KIF13B: variants seen among roughly 807,000 people sequenced by gnomAD.
The protein encoded by KIF13B is kinesin-like protein KIF13B.
Under a neutral mutation model 222.0 loss-of-function variants are expected in KIF13B, and 127 were observed. The observed-to-expected ratio is 0.57, with a 90% CI of 0.50 to 0.66. The LOEUF is 0.66. KIF13B is among the 30% of genes least tolerant of loss of function. KIF13B has a pLI of 0.00. For missense variants in KIF13B, 2,173 were observed against 2,379.0 expected (o/e 0.91, Z 1.80); for synonymous variants, 976 against 919.0 (o/e 1.06, Z -1.12).
At chr8:29,156,298 C>T (rs1329894834) in intron 13 of KIF13B, among the ~76,000 whole-genome samples, 2 of 151,998 alleles carry the variant, frequency 1.3e-5, no homozygotes, top group Non-Finnish European at 2.9e-5. Flanking sequence ...GCAAATGAAG[C>T]CAGGCATGGT....
chr8:29,172,078 TTTTC>T (rs1442658778), intron 10 of KIF13B, among the ~76,000 whole-genome samples: 83 of 104,572 alleles, frequency 7.9e-4, no homozygotes, highest in Middle Eastern at 6.2e-3. Context: ...ATATATTTTC[TTTTC>T]TTTTTTTTTT....
intron 37 of KIF13B, among the ~76,000 whole-genome samples, chr8:29,083,913 T>C (rs555858227): frequency 2.4e-3 from 365 of 152,098 alleles, no homozygotes; most frequent in Middle Eastern, 6.8e-3. Flanking sequence ...CTAGATGTGT[T>C]TTTTGTTTGT....
chr8:29,128,606 T>C (rs1237728950), intron 24 of KIF13B, among the ~76,000 whole-genome samples: 2 of 152,230 alleles, frequency 1.3e-5, no homozygotes, highest in African/African-American at 4.8e-5. Context: ...CTAAGCACTT[T>C]CCGAAGTGAT....
intron 10 of KIF13B, among the ~76,000 whole-genome samples, chr8:29,175,486 T>A (rs1464961513): frequency 6.6e-6 from 1 of 152,234 alleles, no homozygotes; most frequent in Non-Finnish European, 1.5e-5. Flanking sequence ...ACATTGGCTT[T>A]CTTCTTTCTC....
chr8:29,191,535 A>G (rs1813187689), intron 3 of KIF13B, among the ~76,000 whole-genome samples: 1 of 152,234 alleles, frequency 6.6e-6, no homozygotes, highest in Admixed American at 6.5e-5. Flanking sequence ...AGGGTATAGA[A>G]GACTTACTAA....
At chr8:29,174,225 T>C (rs1812384242) in intron 10 of KIF13B, among the ~76,000 whole-genome samples, 1 of 152,178 alleles carries the variant, frequency 6.6e-6, no homozygotes, top group African/African-American at 2.4e-5. Context: ...CCTATATAAC[T>C]GCAAGTTTGT....
chr8:29,094,634 A>C (rs149144290), intron 36 of KIF13B, among the ~76,000 whole-genome samples: 156 of 152,374 alleles, frequency 1.0e-3, no homozygotes, highest in African/African-American at 3.7e-3. Context: ...ACATGGATAT[A>C]TACAAATACA....
chr8:29,098,170 CAAAAAAA>C (rs147089450), intron 36 of KIF13B, among the ~76,000 whole-genome samples: 5 of 30,318 alleles, frequency 1.6e-4, no homozygotes, highest in African/African-American at 3.3e-4. Flanking sequence ...GACTCCATCT[CAAAAAAA>C]AAAAAAAAAA....
chr8:29,165,864 C>T (rs1586868446), intron 11 of KIF13B, 92 bp from the exon 12 acceptor site: 3 of 651,286 alleles, frequency 4.6e-6, no homozygotes, highest in Admixed American at 2.7e-5. Flanking sequence ...AACAATCTGC[C>T]TCCTCATGGC....
chr8:29,113,409 G>A lies in KIF13B; in HGVS notation c.3930+54C>T, dbSNP rs542845857. 7 of 1,085,770 alleles carry A rather than the reference G, an allele frequency of 6.4e-6. No individual in the cohort carries two copies. The South Asian group carries it at 8.4e-5, about 13-fold the overall frequency. 67.3% of individuals were successfully genotyped at this position (1,085,770 alleles called of 1,614,324 possible). A position where few individuals can be genotyped will look rare whatever the true frequency, so the allele number is the denominator to read the frequency against. On this transcript the variant is annotated intron_variant, in intron 32 of 39. Coordinates refer to ENST00000524189, the MANE Select transcript of KIF13B (RefSeq NM_015254.4). ...TCATGGGTAGGTCACTTTTCAGGGA[G>A]TTGGCTCTTTTTAAGTGTTTATTTT... is the stretch of plus-strand genomic sequence containing the variant.
chr8:29,092,767 C>T lies in KIF13B; in HGVS notation c.4436G>A (p.Arg1479Gln), dbSNP rs770673480. 16 of 1,612,630 alleles carry T rather than the reference C, an allele frequency of 9.9e-6. No individual in the cohort carries two copies. Among genetic ancestry groups the T allele is most frequent in the Non-Finnish European group, 1.3e-5 (15 of 1,179,532 alleles). The change falls in exon 37 of 40, where the codon CGG becomes CAG. Residue 1479 changes from arginine (R) to glutamine (Q), a missense_variant. By Grantham distance (43) the Arg-to-Gln change is conservative (BLOSUM62 1). Transcript: ENST00000524189. ...FPVRDEKRGK[R>Q]PSPLAHQPVP... is the part of the protein sequence containing the mutation. ...TACCTGGTGTGCGAGGGGAGACGGC[C>T]GCTTGCCCCTCTTCTCATCGCGGAC...
intron 37 of KIF13B, among the ~76,000 whole-genome samples, chr8:29,089,374 C>T (rs532379071): frequency 1.3e-5 from 2 of 152,130 alleles, no homozygotes; most frequent in Admixed American, 6.6e-5. Flanking sequence ...AGGAGTTCAA[C>T]GCTGCAGTGA....
intron 2 of KIF13B, among the ~76,000 whole-genome samples, chr8:29,204,879 C>T (rs1485980920): frequency 6.6e-6 from 1 of 152,150 alleles, no homozygotes; most frequent in Non-Finnish European, 1.5e-5. Flanking sequence ...TATTTTCCAT[C>T]GTGTTTCTTG....
Position 29,083,906 on chromosome 8 carries a change from G to A in KIF13B, c.4459-8563C>T, listed in dbSNP as rs1807922480. On this transcript the variant is annotated intron_variant, in intron 37 of 39. Coordinates refer to ENST00000524189, the MANE Select transcript of KIF13B (RefSeq NM_015254.4). ...AAATGAAGGCTGGGAACAAGGCCTA[G>A]ATGTGTTTTTTGTTTGTTTGTTTTT... is the stretch of plus-strand genomic sequence containing the variant. 2.6e-5 allele frequency among the ~76,000 whole-genome samples: 4 copies of A among 152,068 alleles called. No homozygotes were observed. The South Asian group carries it at 6.2e-4, about 24-fold the overall frequency.
At chr8:29,146,877 G>T (rs531211828) in intron 17 of KIF13B, among the ~76,000 whole-genome samples, 1 of 152,166 alleles carries the variant, frequency 6.6e-6, no homozygotes, top group Non-Finnish European at 1.5e-5. Context: ...TCAATCTCCA[G>T]GTAAAAGGGA....
intron 22 of KIF13B, 138 bp from the exon 23 acceptor site, chr8:29,132,603 T>C (rs570025019): frequency 1.2e-5 from 6 of 497,568 alleles, no homozygotes; most frequent in Middle Eastern, 5.4e-4. Context: ...AGAACTATCA[T>C]CTAAAACCCA....
chr8:29,236,921 G>GT (rs1815536060), intron 2 of KIF13B, among the ~76,000 whole-genome samples: 2 of 143,422 alleles, frequency 1.4e-5, no homozygotes, highest in African/African-American at 5.3e-5. Context: ...TTTTTGTTTT[G>GT]CTTTTTTTTA....
intron 22 of KIF13B, among the ~76,000 whole-genome samples, chr8:29,133,450 G>A (rs1011873711): frequency 2.6e-5 from 4 of 152,116 alleles, no homozygotes; most frequent in Non-Finnish European, 5.9e-5. Context: ...AATTAGCTGC[G>A]CATGGTGGCA....
chr8:29,070,282 T>C lies in KIF13B; in HGVS notation c.*222A>G. On this transcript the variant is annotated 3_prime_UTR_variant, in exon 40 of 40. Coordinates refer to ENST00000524189, the MANE Select transcript of KIF13B (RefSeq NM_015254.4). This position sits in a 1 kb window ranked among gnomAD's most constrained non-coding sequence, Gnocchi z 4.1. ...CCCTGCGGGCACCCAGAACCTTCCA[T>C]CCACCTGAGGAGGCACAGTTGAGGC... is the stretch of plus-strand genomic sequence containing the variant. 1 of 584,706 alleles carries C rather than the reference T, an allele frequency of 1.7e-6. No individual in the cohort carries two copies. The highest frequency in any genetic ancestry group is 1.9e-5 in the African/African-American group (1 of 52,032). 36.2% of individuals were successfully genotyped at this position (584,706 alleles called of 1,614,324 possible).
Sources: allele counts gnomAD v4.1 joint callset (sites outside exome capture counted in the v4.1 genomes callset), GRCh38; gene constraint gnomAD v4.1.1; non-coding constraint Gnocchi (gnomAD v3.1); transcripts MANE v1.5; gene names NCBI Gene and HGNC (gene_info 2026-07-23, HGNC 2026-07-21).